CDK13: variants seen among roughly 807,000 people sequenced by gnomAD.
The protein encoded by CDK13 is cyclin dependent kinase 13.
CDK13 carries 40 observed loss-of-function variants against 137.6 expected under a neutral mutation model. The observed-to-expected ratio is 0.29, with a 90% CI of 0.23 to 0.38. The LOEUF is 0.38. Among genes scored for constraint, CDK13 ranks in the 10% least tolerant of loss-of-function variants. The pLI, the probability that CDK13 is intolerant of heterozygous loss-of-function variation, is 1.00. For missense variants in CDK13, 1,704 were observed against 1,951.8 expected, an observed-to-expected ratio of 0.87 and a Z score of 2.39; for synonymous variants, 869 against 760.1, an observed-to-expected ratio of 1.14 and a Z score of -2.36.
Position 40,092,772 on chromosome 7 carries a change from A to C in CDK13, c.3236-13A>C. On this transcript the variant is annotated splice_polypyrimidine_tract_variant and intron_variant, in intron 12 of 13. Transcript: ENST00000181839. ...AATTATGACAGTTCTAATTAATATA[A>C]TTTTGTCTTTAGTAAAAACAGGCCC... The C allele has an allele frequency of 6.2e-7, 1 of 1,601,242 alleles. No homozygotes were observed. The highest frequency in any genetic ancestry group is 8.5e-7 in the Non-Finnish European group (1 of 1,170,636).
chr7:39,951,460 C>T lies in CDK13; in HGVS notation c.819C>T (p.Asp273=), dbSNP rs368104540. 9 of 1,539,156 alleles carry T rather than the reference C, an allele frequency of 5.8e-6. No homozygotes were observed. Among genetic ancestry groups the T allele is most frequent in the African/African-American group, 5.6e-5 (4 of 71,712 alleles). The stretch of plus-strand genomic sequence containing the variant: ...CCAGCAGCAGTAGCAGCCGCAAGGA[C>T]CGGGACTCGAAGGCCCACCGCAGCC... ...ATSSSSSSRK[D]RDSKAHRSRT... The change falls in exon 1 of 14, where the codon GAC becomes GAT. Residue 273 remains aspartate (D), a synonymous_variant. Transcript: ENST00000181839.
At chr7:40,070,569 G>A (rs562162307) in intron 9 of CDK13, 3 of 151,870 alleles carry the variant, frequency 2.0e-5, no homozygotes, top group South Asian at 2.1e-4. Flanking sequence ...CAGAATTAGC[G>A]GGCGTGGTAG....
In CDK13 at chr7:39,964,619, C is replaced by CT. The variant is rs1181041963; in HGVS notation, c.1211+12768dup. 5.9e-4 allele frequency among the ~76,000 whole-genome samples: 86 copies of CT among 147,000 alleles called. 1 individual carries two copies. Among genetic ancestry groups the CT allele is most frequent in the Admixed American group, 5.8e-3 (85 of 14,634 alleles). On this transcript the variant is annotated intron_variant, in intron 1 of 13. Coordinates refer to ENST00000181839, the MANE Select transcript of CDK13 (RefSeq NM_003718.5). ...TTTTTTTGAAGGGATTTTTGTGTCTCTATTTCCTTCAGTTCTGCTCTGATC... is the reference window on the plus strand; with the variant it reads ...TTTTTTTGAAGGGATTTTTGTGTCTCTTATTTCCTTCAGTTCTGCTCTGATC...
intron 1 of CDK13, among the ~76,000 whole-genome samples, chr7:39,961,484 A>G (rs1188726336): frequency 1.3e-5 from 2 of 152,114 alleles, no homozygotes; most frequent in African/African-American, 2.4e-5. Context: ...CTTTTGATCA[A>G]CATCTCCCTT....
chr7:40,073,070 C>T (rs1786458064), intron 9 of CDK13: 1 of 152,108 alleles, frequency 6.6e-6, no homozygotes, highest in Admixed American at 6.6e-5. Context: ...GTTTTTCAAA[C>T]CCAAAGGCAT....
At position 40,095,313 on chromosome 7, in the gene CDK13, T is replaced by G. The variant is rs2150549222; in HGVS notation, c.*333T>G. 1 of 166,628 alleles carries G rather than the reference T, an allele frequency of 6.0e-6. No individual in the cohort carries two copies. The highest frequency in any genetic ancestry group is 1.3e-5 in the Non-Finnish European group (1 of 77,708). The allele number at this position is 166,628 out of a possible 1,614,324, so 10.3% of individuals were successfully genotyped here. On this transcript the variant is annotated 3_prime_UTR_variant, in exon 14 of 14. Transcript: ENST00000181839. Reference sequence around the variant, plus strand: ...TCTTCTGAACTATGCACATTTGTGCTTTTTTTGTAAGTTTGGACCAACTTT... The same window carrying G: ...TCTTCTGAACTATGCACATTTGTGCGTTTTTTGTAAGTTTGGACCAACTTT...
chr7:40,002,144 T>C (rs894883794), intron 5 of CDK13, 113 bp downstream of exon 5: 3 of 636,048 alleles, frequency 4.7e-6, no homozygotes, highest in Non-Finnish European at 5.3e-6. Flanking sequence ...ATTGCTCTAA[T>C]CGTGAAACTA....
chr7:40,036,634 A>ACC (rs1447218487), intron 5 of CDK13, among the ~76,000 whole-genome samples: 1 of 151,792 alleles, frequency 6.6e-6, no homozygotes, highest in Non-Finnish European at 1.5e-5. Flanking sequence ...AGTATAATGA[A>ACC]CCCCAGTGTC....
At chr7:39,996,704 C>T (rs1784566593) in intron 2 of CDK13, among the ~76,000 whole-genome samples, 1 of 151,968 alleles carries the variant, frequency 6.6e-6, no homozygotes, top group Non-Finnish European at 1.5e-5. Flanking sequence ...AAACTAAATG[C>T]TTTGCAGCTG....
intron 5 of CDK13, among the ~76,000 whole-genome samples, chr7:40,010,718 T>C (rs977605204): frequency 6.6e-6 from 1 of 152,262 alleles, no homozygotes; most frequent in Admixed American, 6.5e-5. Flanking sequence ...TTCGCTCACC[T>C]GCCACTCATC....
At chr7:39,954,601 G>A (rs900809540) in intron 1 of CDK13, among the ~76,000 whole-genome samples, 1 of 152,144 alleles carries the variant, frequency 6.6e-6, no homozygotes. Context: ...TGTGGGCTTT[G>A]TATTACAAAC....
At chr7:40,081,059 T>G (rs1424701156) in intron 11 of CDK13, among the ~76,000 whole-genome samples, 1 of 152,218 alleles carries the variant, frequency 6.6e-6, no homozygotes, top group South Asian at 2.1e-4. Context: ...TGTTATGTCC[T>G]TTTCATCTTT....
intron 5 of CDK13, among the ~76,000 whole-genome samples, chr7:40,040,382 T>G (rs933420330): frequency 6.6e-6 from 1 of 152,262 alleles, no homozygotes; most frequent in African/African-American, 2.4e-5. Context: ...TTTTCTGTTT[T>G]ATTTCATGTT....
At chr7:40,034,026 G>C (rs1421432317) in intron 5 of CDK13, among the ~76,000 whole-genome samples, 3 of 152,150 alleles carry the variant, frequency 2.0e-5, no homozygotes, top group African/African-American at 7.2e-5. Context: ...GCCTTGTTAA[G>C]GACAGAATGC....
chr7:39,982,945 A>G (rs1031027090), intron 1 of CDK13, among the ~76,000 whole-genome samples: 3 of 151,328 alleles, frequency 2.0e-5, no homozygotes, highest in African/African-American at 7.3e-5. Flanking sequence ...GGTTGTGAAA[A>G]TTTTCTCCCA....
rs763355958 is a variant in CDK13, at chr7:40,094,487, A to G, written c.4046A>G (p.Tyr1349Cys). ...FGSSSFSSAP[Y>C]VSNDGLGSSS... ...TCCTCTTCTTTCTCTTCTGCTCCTT[A>G]TGTTAGCAATGATGGTCTAGGAAGC... Residue 1349 changes from tyrosine (Y) to cysteine (C), a missense_variant, in exon 14 of 14, where the codon TAT becomes TGT. This residue lies in a region of CDK13 where 475 missense variants were observed against 579.3 expected (regional missense o/e 0.82). Coordinates refer to ENST00000181839, the MANE Select transcript of CDK13 (RefSeq NM_003718.5). 13 of 1,613,442 alleles carry G rather than the reference A, an allele frequency of 8.1e-6. No homozygotes were observed. Among genetic ancestry groups the G allele is most frequent in the Non-Finnish European group, 1.1e-5 (13 of 1,179,956 alleles).
intron 1 of CDK13, among the ~76,000 whole-genome samples, chr7:39,966,523 A>G (rs934916133): frequency 6.6e-6 from 1 of 151,886 alleles, no homozygotes; most frequent in African/African-American, 2.4e-5. Flanking sequence ...ATTTTTTTTC[A>G]AGGTTTTTAA....
rs1787100750 is a variant in CDK13, at chr7:40,099,441, T to G, written c.*4461T>G. 6.6e-6 allele frequency: 1 copy of G among 152,214 alleles called. No homozygotes were observed. Among genetic ancestry groups the G allele is most frequent in the Non-Finnish European group, 1.5e-5 (1 of 68,032 alleles). The allele number at this position is 152,214 out of a possible 1,614,324, so 9.4% of individuals were successfully genotyped here. ...TTCCCAGTTAATTTGTTTAAAAGTG[T>G]TGTACTCTCTTGCAAGAACGTTTAA... On this transcript the variant is annotated 3_prime_UTR_variant, in exon 14 of 14. Transcript: ENST00000181839.
chr7:40,039,765 A>G (rs1231907297), intron 5 of CDK13, among the ~76,000 whole-genome samples: 1 of 151,998 alleles, frequency 6.6e-6, no homozygotes, highest in East Asian at 1.9e-4. Context: ...CTGCAGTGTA[A>G]GTTGCAGCTA....
Sources: allele counts gnomAD v4.1 joint callset (sites outside exome capture counted in the v4.1 genomes callset), GRCh38; gene constraint gnomAD v4.1.1; regional missense constraint gnomAD v4.1.1; transcripts MANE v1.5; gene names NCBI Gene and HGNC (gene_info 2026-07-23, HGNC 2026-07-21).